CPA6: variants seen among roughly 807,000 people sequenced by gnomAD.
CPA6 encodes the protein carboxypeptidase A6, also known as carboxypeptidase B.
A neutral mutation model predicts 63.3 loss-of-function variants in CPA6; 58 were observed. The observed-to-expected ratio is 0.92, with a 90% CI of 0.74 to 1.14. The LOEUF (loss-of-function observed/expected upper bound fraction) is 1.14. CPA6 is among the 50% of genes most tolerant of loss of function. The pLI, the probability that CPA6 is intolerant of heterozygous loss-of-function variation, is 0.00. For missense variants in CPA6, 565 were observed against 526.6 expected, an observed-to-expected ratio of 1.07 and a Z score of -0.71; for synonymous variants, 185 against 179.0, an observed-to-expected ratio of 1.03 and a Z score of -0.27.
At chr8:67,545,723 C>T (rs1203203702) in intron 2 of CPA6, among the ~76,000 whole-genome samples, 1 of 151,946 alleles carries the variant, frequency 6.6e-6, no homozygotes, top group African/African-American at 2.4e-5. Context: ...CCACCACGCC[C>T]AGCTAATTTT....
chr8:67,510,715 T>G (rs1812024554), intron 4 of CPA6, among the ~76,000 whole-genome samples: 1 of 152,186 alleles, frequency 6.6e-6, no homozygotes, highest in Non-Finnish European at 1.5e-5. Flanking sequence ...GTATGATTCA[T>G]TCATTTATTC....
chr8:67,478,309 C>A (rs1374387405), intron 8 of CPA6, among the ~76,000 whole-genome samples: 1 of 152,224 alleles, frequency 6.6e-6, no homozygotes, highest in Non-Finnish European at 1.5e-5. Context: ...GCATCTCTTT[C>A]ATCTGGCTGT....
At chr8:67,475,948 G>T (rs1225654497) in intron 8 of CPA6, among the ~76,000 whole-genome samples, 22 of 99,820 alleles carry the variant, frequency 2.2e-4, no homozygotes, top group South Asian at 6.2e-4. Flanking sequence ...TTCTTTCTCT[G>T]TCTTTCTTTC....
At chr8:67,644,997 C>A (rs886150452) in intron 1 of CPA6, among the ~76,000 whole-genome samples, 12 of 152,180 alleles carry the variant, frequency 7.9e-5, no homozygotes, top group African/African-American at 2.9e-4. Flanking sequence ...CCTCATCCTT[C>A]ACAATCACAC....
intron 1 of CPA6, among the ~76,000 whole-genome samples, chr8:67,708,687 T>C (rs764979735): frequency 7.9e-5 from 12 of 152,176 alleles, no homozygotes; most frequent in Non-Finnish European, 1.5e-4. Flanking sequence ...GGAGCCACCC[T>C]GCCCTGAGAG....
rs117945649 is a variant in CPA6 at position 67,637,708 on chromosome 8, G to A, written c.117-13457C>T. ...CAATACCTTATTATTATAAGGTAAC[G>A]TGGCAACTGTTTCATAAACTACATA... On this transcript the variant is annotated intron_variant, in intron 1 of 10. Coordinates refer to ENST00000297770, the MANE Select transcript of CPA6 (RefSeq NM_020361.5). Among the ~76,000 whole-genome samples the A allele has an allele frequency of 4.0e-5, 6 of 151,508 alleles. No individual in the cohort carries two copies. The East Asian group carries it at 9.6e-4, about 24-fold the overall frequency.
intron 8 of CPA6, among the ~76,000 whole-genome samples, chr8:67,458,714 A>C (rs907752211): frequency 6.6e-6 from 1 of 152,260 alleles, no homozygotes; most frequent in Non-Finnish European, 1.5e-5. Context: ...CAGTAATAAG[A>C]AAACAATTTA....
chr8:67,526,121 C>T (rs11997783), intron 2 of CPA6, among the ~76,000 whole-genome samples: 16,120 of 152,170 alleles, frequency 0.11, 1,070 homozygotes, highest in East Asian at 0.24. Flanking sequence ...GACTTAGAAA[C>T]GACTTATTAT....
intron 2 of CPA6, among the ~76,000 whole-genome samples, chr8:67,610,576 A>G (rs994695834): frequency 2.6e-5 from 4 of 152,322 alleles, no homozygotes; most frequent in Middle Eastern, 3.4e-3. Context: ...AAAGCTAAGC[A>G]GGTTGCTGGA....
At chr8:67,629,802 TACA>T (rs1815280567) in intron 1 of CPA6, among the ~76,000 whole-genome samples, 1 of 152,126 alleles carries the variant, frequency 6.6e-6, no homozygotes. Flanking sequence ...GTTTTTATTT[TACA>T]ATACTTTTTA....
In CPA6 at chr8:67,422,529, A is replaced by G; in HGVS notation, c.1289T>C (p.Met430Thr). 6.2e-7 allele frequency: 1 copy of G among 1,614,104 alleles called. No homozygotes were observed. The highest frequency in any genetic ancestry group is 8.5e-7 in the Non-Finnish European group (1 of 1,179,992). ...TCAGGGACATTTCTTTAGCAGGTGC[A>G]TTGTGATATTTTTCACAGCCAGCAT... is the stretch of plus-strand genomic sequence containing the variant. ...ETMLAVKNIT[M>T]HLLKKCP Residue 430 changes from methionine (M) to threonine (T), a missense_variant, in exon 11 of 11, where the codon ATG becomes ACG. Physicochemically the swap from Met to Thr is moderately conservative, Grantham distance 81. Transcript: ENST00000297770.
intron 2 of CPA6, among the ~76,000 whole-genome samples, chr8:67,575,460 A>G (rs1231681331): frequency 6.6e-6 from 1 of 152,250 alleles, no homozygotes; most frequent in African/African-American, 2.4e-5. Flanking sequence ...CCTATTCACA[A>G]TAGTCAAGAT....
chr8:67,422,377 G>T lies in CPA6; in HGVS notation c.*127C>A. On this transcript the variant is annotated 3_prime_UTR_variant, in exon 11 of 11. Coordinates refer to ENST00000297770, the MANE Select transcript of CPA6 (RefSeq NM_020361.5). ...TTGCCACAAAGTCAAATTGCGTGGG[G>T]TCTTTTTAAAGTCCATAGACATGTT... is the stretch of plus-strand genomic sequence containing the variant. The T allele has an allele frequency of 1.5e-6, 1 of 685,816 alleles. No individual in the cohort carries two copies. The highest frequency in any genetic ancestry group is 2.4e-6 in the Non-Finnish European group (1 of 425,252). 42.5% of individuals were successfully genotyped at this position (685,816 alleles called of 1,614,324 possible). A position where few individuals can be genotyped will look rare whatever the true frequency, so the allele number is the denominator to read the frequency against.
At chr8:67,704,850 T>C (rs1817099253) in intron 1 of CPA6, among the ~76,000 whole-genome samples, 2 of 152,188 alleles carry the variant, frequency 1.3e-5, no homozygotes, top group South Asian at 2.1e-4. Flanking sequence ...TAATCGTGTC[T>C]CCCTACCACA....
In CPA6 at chr8:67,489,506, A is replaced by AT. The variant is rs34510702; in HGVS notation, c.637-4718dup. Among the ~76,000 whole-genome samples the AT allele has an allele frequency of 5.4e-4, 82 of 151,504 alleles. 1 individual carries two copies. The South Asian group carries it at 6.5e-3, about 12-fold the overall frequency. On this transcript the variant is annotated intron_variant, in intron 6 of 10. Coordinates refer to ENST00000297770, the MANE Select transcript of CPA6 (RefSeq NM_020361.5). ...GTTTTTTTCTAAATATGTGTTAATC[A>AT]TTTTTTTTTAAAATAAATGATTTCT...
chr8:67,699,661 C>T (rs1205047071), intron 1 of CPA6, among the ~76,000 whole-genome samples: 1 of 151,562 alleles, frequency 6.6e-6, no homozygotes, highest in Non-Finnish European at 1.5e-5. Context: ...TATCTGGGTT[C>T]ATTGCAATCT....
chr8:67,451,290 C>T (rs200740170), intron 8 of CPA6, among the ~76,000 whole-genome samples: 2 of 152,196 alleles, frequency 1.3e-5, no homozygotes, highest in East Asian at 3.9e-4. Context: ...TAGGTGAGCT[C>T]TGCCTCCTGT....
chr8:67,636,965 A>T (rs908050432), intron 1 of CPA6, among the ~76,000 whole-genome samples: 5 of 151,594 alleles, frequency 3.3e-5, no homozygotes, highest in Non-Finnish European at 5.9e-5. Context: ...AGCTAAATGG[A>T]TTCTCCCTTC....
At chr8:67,714,701 A>G (rs773899139) in intron 1 of CPA6, among the ~76,000 whole-genome samples, 16 of 152,174 alleles carry the variant, frequency 1.1e-4, no homozygotes, top group Non-Finnish European at 1.5e-4. Flanking sequence ...CTCAGGATTA[A>G]GTGCCTTCCT....
Sources: gnomAD v4.1 joint callset for allele counts (sites outside exome capture counted in the v4.1 genomes callset) on GRCh38, gnomAD v4.1.1 for gene constraint, MANE v1.5 for transcripts, NCBI Gene and HGNC (gene_info 2026-07-23, HGNC 2026-07-21) for gene names.